The following KCNA6 variants were observed in gnomAD, a reference collection of about 807,000 sequenced individuals.
KCNA6 encodes human brain potassium channel-2.
Under a neutral mutation model 29.5 loss-of-function variants are expected in KCNA6, and 17 were observed. The ratio of observed to expected loss-of-function variants is 0.58; its 90% CI spans 0.39 to 0.86. KCNA6 has a LOEUF of 0.86. Ranked by LOEUF, KCNA6 falls within the 40% of genes least tolerant of loss-of-function variation. KCNA6 has a pLI of 0.00. For synonymous variants in KCNA6, 296 were observed against 304.7 expected (o/e 0.97, Z 0.30); for missense variants, 450 against 703.4 (o/e 0.64, Z 4.07).
chr12:4,847,715 A>T, the KCNA6 span, among the ~76,000 whole-genome samples: 4 of 151,562 alleles, frequency 2.6e-5, no homozygotes, highest in African/African-American at 9.7e-5. Context: ...TTTGGTTTTG[A>T]CCTTTCAGAG....
At chr12:4,848,496 T>C in the KCNA6 span, among the ~76,000 whole-genome samples, 57 of 144,600 alleles carry the variant, frequency 3.9e-4, no homozygotes, top group Non-Finnish European at 7.5e-4. Context: ...GTTATTTTTG[T>C]AGGGTTTCAG....
chr12:4,825,582 C>T, the KCNA6 span, among the ~76,000 whole-genome samples: 3 of 152,182 alleles, frequency 2.0e-5, no homozygotes, highest in Non-Finnish European at 2.9e-5. Context: ...AAGGTTTTTT[C>T]AGTTGGACCA....
chr12:4,827,193 C>T, the KCNA6 span, among the ~76,000 whole-genome samples: 614 of 82,068 alleles, frequency 7.5e-3, 1 homozygote, highest in African/African-American at 0.018. Flanking sequence ...TCCCTCCTTC[C>T]TTCCTTCCTT....
chr12:4,813,074 T>G (rs1372287970), exon 1 of KCNA6: 1 of 167,138 alleles, frequency 6.0e-6, no homozygotes, highest in Non-Finnish European at 1.5e-5. Context: ...CTGAAAGGAC[T>G]GTTAACATGT....
At chr12:4,830,160 C>T in the KCNA6 span, among the ~76,000 whole-genome samples, 1 of 152,216 alleles carries the variant, frequency 6.6e-6, no homozygotes, top group Non-Finnish European at 1.5e-5. Flanking sequence ...TTGCGTTCCC[C>T]TCCCATGCTC....
chr12:4,828,278 T>C, the KCNA6 span, among the ~76,000 whole-genome samples: 50 of 152,384 alleles, frequency 3.3e-4, no homozygotes, highest in Non-Finnish European at 5.4e-4. Context: ...TATCTGTATA[T>C]CTATAGAGAT....
the KCNA6 span, among the ~76,000 whole-genome samples, chr12:4,832,303 G>A: frequency 1.3e-5 from 2 of 152,130 alleles, no homozygotes; most frequent in Non-Finnish European, 2.9e-5. Context: ...TGTGAAGTTT[G>A]TTCAACCTAC....
chr12:4,814,166 C>T (rs1946659645), downstream of KCNA6: 1 of 167,102 alleles, frequency 6.0e-6, no homozygotes, highest in African/African-American at 2.4e-5. This position sits in a 1 kb window ranked among gnomAD's most constrained non-coding sequence, Gnocchi z 4.6. Flanking sequence ...TTTCCCCACC[C>T]AGTCATTGAA....
chr12:4,813,125 A>ATT (rs112816763), exon 1 of KCNA6: 163 of 165,486 alleles, frequency 9.8e-4, no homozygotes, highest in South Asian at 6.9e-3. Context: ...TTTGATGATA[A>ATT]TTTTTTTTTT....
downstream of KCNA6, chr12:4,814,398 G>A (rs890023365): frequency 2.6e-4 from 44 of 167,140 alleles, no homozygotes; most frequent in African/African-American, 1.0e-3. The surrounding 1 kb of genome is among the most constrained non-coding windows in gnomAD (Gnocchi z 4.6). Flanking sequence ...CACGAGAGGC[G>A]GAGAATTGCA....
At chr12:4,820,275 T>C in the KCNA6 span, among the ~76,000 whole-genome samples, 2 of 152,108 alleles carry the variant, frequency 1.3e-5, no homozygotes, top group Admixed American at 1.3e-4. Context: ...ACTGGTAATA[T>C]GTATATATTT....
chr12:4,820,038 A>C, the KCNA6 span, among the ~76,000 whole-genome samples: 1 of 152,182 alleles, frequency 6.6e-6, no homozygotes, highest in African/African-American at 2.4e-5. Context: ...AACTACCTGC[A>C]CGTCAGAGAA....
At chr12:4,812,523 C>T (rs2239505) in exon 1 of KCNA6, 46,130 of 167,048 alleles carry the variant, frequency 0.28, 6,615 homozygotes, top group Admixed American at 0.36. Context: ...AAGCAAGGTG[C>T]CACTTAAACA....
At chr12:4,849,299 A>G in the KCNA6 span, among the ~76,000 whole-genome samples, 9 of 151,994 alleles carry the variant, frequency 5.9e-5, no homozygotes, top group Non-Finnish European at 8.8e-5. Flanking sequence ...GTGTTCAGGC[A>G]CCTGACACAA....
chr12:4,810,880 T>G lies in KCNA6; in HGVS notation c.839T>G (p.Val280Gly), dbSNP rs1034065604. ...GTCTGGTTCACTTTTGAGCTCCTGG[T>G]GCGCTTCTCCGCCTGCCCTAGCAAG... Residue 280 changes from valine to glycine, a missense_variant, in exon 1 of 1, where the codon GTG becomes GGG. Transcript: ENST00000280684. This position sits in a 1 kb window ranked among gnomAD's most constrained non-coding sequence, Gnocchi z 7.5. 1.2e-6 allele frequency: 2 copies of G among 1,613,362 alleles called. No homozygotes were observed. The highest frequency in any genetic ancestry group is 1.7e-6 in the Non-Finnish European group (2 of 1,179,662).
At chr12:4,814,957 A>G (rs1228232839), downstream of KCNA6, among the ~76,000 whole-genome samples, 8 of 152,062 alleles carry the variant, frequency 5.3e-5, no homozygotes, top group South Asian at 1.2e-3. The surrounding 1 kb of genome is among the most constrained non-coding windows in gnomAD (Gnocchi z 4.6). Flanking sequence ...CTTTGACTCC[A>G]TTAACTTCAG....
the KCNA6 span, among the ~76,000 whole-genome samples, chr12:4,834,579 G>A: frequency 8.5e-5 from 13 of 152,170 alleles, no homozygotes; most frequent in Non-Finnish European, 1.5e-4. Context: ...GCTTATGTGA[G>A]GGCTCAGATC....
chr12:4,812,135 T>C (rs2239504), exon 1 of KCNA6: 59,253 of 171,466 alleles, frequency 0.35, 10,585 homozygotes, highest in South Asian at 0.54. Flanking sequence ...CCTGTAACAA[T>C]CACTGGTCCT....
chr12:4,824,595 G>A, the KCNA6 span, among the ~76,000 whole-genome samples: 102 of 152,284 alleles, frequency 6.7e-4, 2 homozygotes, highest in African/African-American at 2.3e-3. Flanking sequence ...CGAGATCAGC[G>A]AGAACTTCCA....
Sources: allele counts gnomAD v4.1 joint callset (sites outside exome capture counted in the v4.1 genomes callset), GRCh38; gene constraint gnomAD v4.1.1; non-coding constraint Gnocchi (gnomAD v3.1); transcripts MANE v1.5; gene names NCBI Gene and HGNC (gene_info 2026-07-23, HGNC 2026-07-21).